The following ZNF891 variants were observed in gnomAD, a reference collection of about 807,000 sequenced individuals.
ZNF891 encodes the protein zinc finger protein 891, also known as hCG1646157.
For synonymous variants in ZNF891, 199 were observed against 209.0 expected, an observed-to-expected ratio of 0.95 and a Z score of 0.41; for missense variants, 589 against 632.7, an observed-to-expected ratio of 0.93 and a Z score of 0.74.
At chr12:133,129,345 T>C (rs777849874) in intron 1 of ZNF891, among the ~76,000 whole-genome samples, 1 of 151,682 alleles carries the variant, frequency 6.6e-6, no homozygotes, top group African/African-American at 2.4e-5. Context: ...CCACTAAAAA[T>C]ACAGAATTAG....
rs977448926 is a variant in ZNF891 at position 133,120,561 on chromosome 12, A to G, written c.1358T>C (p.Ile453Thr). The change falls in exon 2 of 2, where the codon ATT becomes ACT. Residue 453 changes from isoleucine (I) to threonine (T), a missense_variant. By Grantham distance (89) the Ile-to-Thr change is moderately conservative (BLOSUM62 -1). Coordinates refer to ENST00000537226, the MANE Select transcript of ZNF891 (RefSeq NM_001277291.2). ...TSSHLKVHKK[I>T]HTGENVYECS... ...TTCATAAACATTCTCTCCGGTATGAATTTTCTTATGAACTTTAAGGTGAGA... is the reference window on the plus strand; with the variant it reads ...TTCATAAACATTCTCTCCGGTATGAGTTTTCTTATGAACTTTAAGGTGAGA... 1.3e-6 allele frequency: 2 copies of G among 1,560,102 alleles called. No homozygotes were observed. Among genetic ancestry groups the G allele is most frequent in the South Asian group, 1.2e-5 (1 of 85,450 alleles).
chr12:133,105,291 A>G lies in ZNF891; in HGVS notation c.*14993T>C, dbSNP rs955090269. The stretch of plus-strand genomic sequence containing the variant: ...CTCTATTTTCCCTGCTCTTTCAATT[A>G]CTTACGTTTACACTTTCTCTTTATT... On this transcript the variant is annotated 3_prime_UTR_variant, in exon 2 of 2. Coordinates refer to ENST00000537226, the MANE Select transcript of ZNF891 (RefSeq NM_001277291.2). 1.3e-5 allele frequency among the ~76,000 whole-genome samples: 2 copies of G among 152,142 alleles called. No homozygotes were observed. The highest frequency in any genetic ancestry group is 4.8e-5 in the African/African-American group (2 of 41,414).
rs1401100916 is a variant in ZNF891 at position 133,108,154 on chromosome 12, A to AT, written c.*12129dup. 6.6e-6 allele frequency: 1 copy of AT among 152,104 alleles called. No homozygotes were observed. Among genetic ancestry groups the AT allele is most frequent in the Non-Finnish European group, 1.5e-5 (1 of 68,010 alleles). 9.4% of individuals were successfully genotyped at this position (152,104 alleles called of 1,614,324 possible). On this transcript the variant is annotated 3_prime_UTR_variant, in exon 2 of 2. Coordinates refer to ENST00000537226, the MANE Select transcript of ZNF891 (RefSeq NM_001277291.2). ...TACAATAGTGTACAGTCTGACTCGA[A>AT]TACAAGCAGCATGCCTTACTACGTA...
At chr12:133,123,829 G>A (rs1179325940) in intron 1 of ZNF891, among the ~76,000 whole-genome samples, 1 of 151,652 alleles carries the variant, frequency 6.6e-6, no homozygotes, top group East Asian at 1.9e-4. Context: ...GAATTGTATT[G>A]CAGGTTTAAC....
Position 133,121,753 on chromosome 12 carries a change from C to G in ZNF891, c.166G>C (p.Glu56Gln). 1 of 1,536,884 alleles carries G rather than the reference C, an allele frequency of 6.5e-7. No individual in the cohort carries two copies. Among genetic ancestry groups the G allele is most frequent in the Non-Finnish European group, 8.7e-7 (1 of 1,146,978 alleles). ...KDVAVEFTQEEWMMLDSAQRS... is the reference protein window; with the variant it reads ...KDVAVEFTQEQWMMLDSAQRS... ...TGAGCAGAATCCAGCATCATCCACT[C>G]CTCCTGAGTGAACTCCACAGCTACA... Residue 56 changes from glutamate (E) to glutamine (Q), a missense_variant, in exon 2 of 2, where the codon GAG becomes CAG. By Grantham distance (29) the Glu-to-Gln change is conservative. Transcript: ENST00000537226.
rs1955748047 is a variant in ZNF891, at chr12:133,120,729, G to A, written c.1190C>T (p.Thr397Ile). The change falls in exon 2 of 2, where the codon ACT (threonine) becomes ATT (isoleucine). Residue 397 changes from threonine to isoleucine, a missense_variant. Thr to Ile is a moderately conservative substitution (Grantham distance 89, BLOSUM62 -1). Transcript: ENST00000537226. The stretch of plus-strand genomic sequence containing the variant: ...TTCATAAGGTTTCTCTCCAGTGTGA[G>A]TTCTCATGTGAGCCTTAAGGGATGT... Reference protein sequence around the residue: ...QKTSLKAHMRTHTGEKPYECN... With the variant: ...QKTSLKAHMRIHTGEKPYECN... The A allele has an allele frequency of 2.6e-6, 4 of 1,566,086 alleles. No homozygotes were observed. The highest frequency in any genetic ancestry group is 1.4e-5 in the African/African-American group (1 of 72,996).
In ZNF891 at chr12:133,121,004, T is replaced by C. The variant is rs192571149; in HGVS notation, c.915A>G (p.Gln305=). The part of the protein sequence containing the change: ...ECNKDETLCH[Q]SSLKKQGQTH... ...TTTGTCCTTGTTTCTTAAGGGATGA[T>C]TGATGACACAGCGTTTCATCTTTAT... The change falls in exon 2 of 2, where the codon CAA becomes CAG. Residue 305 remains glutamine, a synonymous_variant. Transcript: ENST00000537226. 19 of 1,535,706 alleles carry C rather than the reference T, an allele frequency of 1.2e-5. No homozygotes were observed. The highest frequency in any genetic ancestry group is 5.9e-5 in the South Asian group (5 of 84,066).
rs1566334869 is a variant in ZNF891 at position 133,120,255 on chromosome 12, T to C, written c.*29A>G. 2 of 1,490,104 alleles carry C rather than the reference T, an allele frequency of 1.3e-6. No homozygotes were observed. Among genetic ancestry groups the C allele is most frequent in the Non-Finnish European group, 1.8e-6 (2 of 1,119,262 alleles). The allele number at this position is 1,490,104 out of a possible 1,614,324, so 92.3% of individuals were successfully genotyped here. ...GAGCTTGGAATCCACCTTAAGACAA[T>C]GAAAACAGCAATTCCACATTCATAA... On this transcript the variant is annotated 3_prime_UTR_variant, in exon 2 of 2. Transcript: ENST00000537226.
Position 133,117,574 on chromosome 12 carries a change from C to CA in ZNF891, c.*2709dup, listed in dbSNP as rs1955722357. 1 of 152,258 alleles carries CA rather than the reference C, an allele frequency of 6.6e-6. No individual in the cohort carries two copies. The highest frequency in any genetic ancestry group is 1.5e-5 in the Non-Finnish European group (1 of 68,040). 9.4% of individuals were successfully genotyped at this position (152,258 alleles called of 1,614,324 possible). A position where few individuals can be genotyped will look rare whatever the true frequency, so the allele number is the denominator to read the frequency against. ...CTTTTGTTTGTGCTCTAAACATCTA[C>CA]ACCCCATTCTCAGAAGCTTATATTA... On this transcript the variant is annotated 3_prime_UTR_variant, in exon 2 of 2. Coordinates refer to ENST00000537226, the MANE Select transcript of ZNF891 (RefSeq NM_001277291.2).
In ZNF891 at chr12:133,121,702, A is replaced by G. The variant is rs1955762651; in HGVS notation, c.217T>C (p.Leu73=). ...GAGGTGAGATTTCTATAGTTTTCCA[A>G]CATCACATCTCTGTACAGACTTCTT... ...AQRSLYRDVM[L]ENYRNLTSVE... Residue 73 remains leucine, a synonymous_variant, in exon 2 of 2, where the codon TTG becomes CTG. Coordinates refer to ENST00000537226, the MANE Select transcript of ZNF891 (RefSeq NM_001277291.2). 10 of 1,536,460 alleles carry G rather than the reference A, an allele frequency of 6.5e-6. No individual in the cohort carries two copies. The highest frequency in any genetic ancestry group is 2.7e-5 in the African/African-American group (2 of 73,042).
At chr12:133,129,281 C>G (rs906974605) in intron 1 of ZNF891, among the ~76,000 whole-genome samples, 4 of 152,034 alleles carry the variant, frequency 2.6e-5, no homozygotes, top group Non-Finnish European at 5.9e-5. Context: ...GCAGGCTGAT[C>G]ACCTGAGGTC....
chr12:133,125,213 C>G (rs1334279044), intron 1 of ZNF891, among the ~76,000 whole-genome samples: 1 of 152,108 alleles, frequency 6.6e-6, no homozygotes, highest in Non-Finnish European at 1.5e-5. Flanking sequence ...ATTGGCCAGG[C>G]TAACCTTGAA....
At chr12:133,127,760 A>G (rs1201463857) in intron 1 of ZNF891, among the ~76,000 whole-genome samples, 2 of 152,210 alleles carry the variant, frequency 1.3e-5, no homozygotes, top group African/African-American at 4.8e-5. Context: ...CTGCATGCCT[A>G]CAGAGTAACT....
intron 1 of ZNF891, among the ~76,000 whole-genome samples, chr12:133,128,111 A>T (rs1349514230): frequency 1.3e-5 from 2 of 152,218 alleles, no homozygotes; most frequent in Non-Finnish European, 2.9e-5. Flanking sequence ...ATTTAACATG[A>T]TAAAAATTTT....
chr12:133,122,058 G>T, intron 1 of ZNF891, 34 bp from the exon 2 acceptor site: 4 of 1,404,174 alleles, frequency 2.8e-6, no homozygotes, highest in Non-Finnish European at 3.7e-6. Context: ...GGTAAAAGAA[G>T]AAAGCTGGAA....
rs1955713506 is a variant in ZNF891 at position 133,116,059 on chromosome 12, C to G, written c.*4225G>C. The G allele has an allele frequency of 6.6e-6, 1 of 152,056 alleles. No individual in the cohort carries two copies. The highest frequency in any genetic ancestry group is 2.4e-5 in the African/African-American group (1 of 41,404). The allele number at this position is 152,056 out of a possible 1,614,324, so 9.4% of individuals were successfully genotyped here. A position where few individuals can be genotyped will look rare whatever the true frequency, so the allele number is the denominator to read the frequency against. On this transcript the variant is annotated 3_prime_UTR_variant, in exon 2 of 2. Coordinates refer to ENST00000537226, the MANE Select transcript of ZNF891 (RefSeq NM_001277291.2). ...AGTCCTAACCAAGCAAAGTACAATC[C>G]CTTGCTGAGTACTCCTTAAGATGAT...
chr12:133,125,133 G>A (rs1293465732), intron 1 of ZNF891, among the ~76,000 whole-genome samples: 2 of 152,034 alleles, frequency 1.3e-5, no homozygotes, highest in South Asian at 2.1e-4. Context: ...AAAAATTCAC[G>A]AGAAAACGGA....
rs1401998119 is a variant in ZNF891, at chr12:133,105,665, C to T, written c.*14619G>A. The T allele has an allele frequency of 5.0e-6, 8 of 1,613,998 alleles. No individual in the cohort carries two copies. The East Asian group carries it at 6.7e-5, about 13-fold the overall frequency. On this transcript the variant is annotated 3_prime_UTR_variant, in exon 2 of 2. Coordinates refer to ENST00000537226, the MANE Select transcript of ZNF891 (RefSeq NM_001277291.2). ...GAAATGCAAGGATCATACTGAGATG[C>T]TGCAAGAAAATCAGGGATGTATTAG...
chr12:133,105,947 A>C lies in ZNF891; in HGVS notation c.*14337T>G, dbSNP rs1311116370. 6.2e-7 allele frequency: 1 copy of C among 1,614,068 alleles called. No individual in the cohort carries two copies. Among genetic ancestry groups the C allele is most frequent in the African/African-American group, 1.3e-5 (1 of 74,956 alleles). On this transcript the variant is annotated 3_prime_UTR_variant, in exon 2 of 2. Transcript: ENST00000537226. ...ACCCCATGAGTGTAAGGACTGTAAT[A>C]AAACATTCAGTTACCTTTCATTTCT...
Sources: gnomAD v4.1 joint callset for allele counts (sites outside exome capture counted in the v4.1 genomes callset) on GRCh38, gnomAD v4.1.1 for gene constraint, MANE v1.5 for transcripts, NCBI Gene and HGNC (gene_info 2026-07-23, HGNC 2026-07-21) for gene names.